The following CLSTN2 variants were observed in gnomAD, a reference collection of about 807,000 sequenced individuals.
CLSTN2 encodes the protein calsyntenin 2, also known as calsyntenin-2.
A neutral mutation model predicts 101.2 loss-of-function variants in CLSTN2; 48 were observed. That is an observed-to-expected ratio of 0.47 (90% confidence interval 0.38 to 0.60). The LOEUF is 0.60. Among genes scored for constraint, CLSTN2 ranks in the 20% least tolerant of loss-of-function variants. CLSTN2 has a pLI of 0.00. For synonymous variants in CLSTN2, 481 were observed against 463.6 expected, an observed-to-expected ratio of 1.04 and a Z score of -0.48; for missense variants, 1,160 against 1,238.2, an observed-to-expected ratio of 0.94 and a Z score of 0.95.
chr3:140,069,621 T>C (rs2107776236), intron 1 of CLSTN2, among the ~76,000 whole-genome samples: 1 of 152,232 alleles, frequency 6.6e-6, no homozygotes, highest in Non-Finnish European at 1.5e-5. Flanking sequence ...GCTTGGGAGG[T>C]GTTCATGTTG....
At chr3:140,376,765 T>C (rs1474932063) in intron 2 of CLSTN2, among the ~76,000 whole-genome samples, 5 of 152,184 alleles carry the variant, frequency 3.3e-5, no homozygotes, top group Non-Finnish European at 1.5e-5. Context: ...ACCATGTTAT[T>C]TGTAGTATTC....
intron 2 of CLSTN2, among the ~76,000 whole-genome samples, chr3:140,242,714 A>G (rs1178729256): frequency 6.6e-6 from 1 of 152,190 alleles, no homozygotes; most frequent in Non-Finnish European, 1.5e-5. Flanking sequence ...CATGATTCCC[A>G]TTCCCCAGGA....
At chr3:140,200,013 A>G (rs1193044447) in intron 2 of CLSTN2, among the ~76,000 whole-genome samples, 1 of 152,224 alleles carries the variant, frequency 6.6e-6, no homozygotes, top group Non-Finnish European at 1.5e-5. Context: ...GATTAAAAGC[A>G]GCTGGTGGCT....
At chr3:140,101,890 A>G (rs2008971992) in intron 1 of CLSTN2, among the ~76,000 whole-genome samples, 1 of 152,204 alleles carries the variant, frequency 6.6e-6, no homozygotes, top group Admixed American at 6.5e-5. Context: ...AGAACTAGTC[A>G]TGTGACTGCA....
intron 2 of CLSTN2, among the ~76,000 whole-genome samples, chr3:140,341,217 T>C (rs1447383014): frequency 6.6e-6 from 1 of 152,242 alleles, no homozygotes; most frequent in Non-Finnish European, 1.5e-5. Flanking sequence ...CTCTTTTTAT[T>C]TTGGAAAACA....
At chr3:140,123,847 T>C (rs1275105436) in intron 1 of CLSTN2, among the ~76,000 whole-genome samples, 1 of 73,658 alleles carries the variant, frequency 1.4e-5, no homozygotes, top group African/African-American at 5.5e-5. Flanking sequence ...TATATGTGTG[T>C]GTGTATATAT....
intron 1 of CLSTN2, among the ~76,000 whole-genome samples, chr3:140,131,570 G>A (rs939911760): frequency 4.6e-5 from 7 of 152,086 alleles, no homozygotes; most frequent in African/African-American, 1.7e-4. Context: ...CCCCTTGGTG[G>A]CAACAGGCAG....
At chr3:140,377,644 A>T (rs1332600474) in intron 2 of CLSTN2, among the ~76,000 whole-genome samples, 3 of 152,160 alleles carry the variant, frequency 2.0e-5, no homozygotes, top group African/African-American at 4.8e-5. Context: ...AATATAAAGA[A>T]AGAAAACATT....
chr3:140,500,513 A>T (rs186914299), intron 8 of CLSTN2, among the ~76,000 whole-genome samples: 1 of 152,332 alleles, frequency 6.6e-6, no homozygotes, highest in African/African-American at 2.4e-5. Context: ...GATGTTTCTG[A>T]ATCAGAGGAG....
chr3:140,237,026 G>A (rs1337501554), intron 2 of CLSTN2, among the ~76,000 whole-genome samples: 2 of 151,808 alleles, frequency 1.3e-5, no homozygotes, highest in African/African-American at 4.9e-5. Flanking sequence ...CTTATCATGA[G>A]TCATGTTTTC....
chr3:140,155,740 G>C (rs1174274226), intron 1 of CLSTN2, among the ~76,000 whole-genome samples: 1 of 152,140 alleles, frequency 6.6e-6, no homozygotes, highest in African/African-American at 2.4e-5. Flanking sequence ...TCACACACTT[G>C]CTTGCTGAGT....
intron 1 of CLSTN2, among the ~76,000 whole-genome samples, chr3:140,169,285 A>G (rs954128559): frequency 2.6e-5 from 4 of 151,978 alleles, no homozygotes; most frequent in Non-Finnish European, 5.9e-5. Context: ...GAAATTTCCA[A>G]TTGTTGATTT....
At position 140,556,662 on chromosome 3, in the gene CLSTN2, G is replaced by A. The variant is rs1197033344; in HGVS notation, c.1823+1G>A. On this transcript the variant is annotated splice_donor_variant, in intron 11 of 16. Coordinates refer to ENST00000458420, the MANE Select transcript of CLSTN2 (RefSeq NM_022131.3). LOFTEE classifies it high-confidence loss of function. Reference sequence around the variant, plus strand: ...GCCTCAAAGTATCCTCCAAAGTCCAGTGAGTGGACGCTGGTCAGCCTGGGG... The same window carrying A: ...GCCTCAAAGTATCCTCCAAAGTCCAATGAGTGGACGCTGGTCAGCCTGGGG... 6 of 1,613,848 alleles carry A rather than the reference G, an allele frequency of 3.7e-6. No homozygotes were observed. Among genetic ancestry groups the A allele is most frequent in the Non-Finnish European group, 5.1e-6 (6 of 1,179,864 alleles).
chr3:140,278,969 C>A (rs1269254892), intron 2 of CLSTN2, among the ~76,000 whole-genome samples: 1 of 152,164 alleles, frequency 6.6e-6, no homozygotes, highest in Non-Finnish European at 1.5e-5. Flanking sequence ...ATCCTTCTGC[C>A]TTAGCCTCTC....
At chr3:140,345,726 G>A (rs1236706229) in intron 2 of CLSTN2, among the ~76,000 whole-genome samples, 1 of 151,456 alleles carries the variant, frequency 6.6e-6, no homozygotes, top group Non-Finnish European at 1.5e-5. Context: ...GATTTTTCCA[G>A]AGGCAAATGG....
At chr3:140,244,165 A>G (rs986229495) in intron 2 of CLSTN2, among the ~76,000 whole-genome samples, 4 of 152,208 alleles carry the variant, frequency 2.6e-5, no homozygotes, top group Non-Finnish European at 4.4e-5. Flanking sequence ...ATGTAGCAAC[A>G]TGCCAGAGGT....
At chr3:139,989,286 G>A (rs899098562) in intron 1 of CLSTN2, among the ~76,000 whole-genome samples, 4 of 152,172 alleles carry the variant, frequency 2.6e-5, no homozygotes, top group African/African-American at 9.7e-5. Context: ...TGCAGGGGCA[G>A]GGTACCCCTT....
chr3:140,479,370 T>C (rs1449888824), intron 8 of CLSTN2, among the ~76,000 whole-genome samples: 3 of 152,192 alleles, frequency 2.0e-5, no homozygotes, highest in Admixed American at 6.5e-5. Context: ...AATCATCCAG[T>C]AATTTAACAA....
chr3:140,436,196 A>G (rs3909790), intron 5 of CLSTN2, among the ~76,000 whole-genome samples: 24,036 of 152,072 alleles, frequency 0.16, 2,453 homozygotes, highest in South Asian at 0.33. Flanking sequence ...ATGTTTTCTG[A>G]TAGCTGTTTT....
Sources: allele counts gnomAD v4.1 joint callset (sites outside exome capture counted in the v4.1 genomes callset), GRCh38; gene constraint gnomAD v4.1.1; transcripts MANE v1.5; gene names NCBI Gene and HGNC (gene_info 2026-07-23, HGNC 2026-07-21).